ANKRD55: variants seen among roughly 807,000 people sequenced by gnomAD.
ANKRD55 encodes the protein ankyrin repeat domain 55.
ANKRD55 carries 41 observed loss-of-function variants against 60.6 expected under a neutral mutation model. That is an observed-to-expected ratio of 0.68 (90% CI 0.53 to 0.88). The LOEUF (loss-of-function observed/expected upper bound fraction) is 0.88, where lower values mean the gene tolerates loss of function less well. Ranked by LOEUF, ANKRD55 falls within the 40% of genes least tolerant of loss-of-function variation. ANKRD55 has a pLI of 0.00. For synonymous variants in ANKRD55, 264 were observed against 290.3 expected, an observed-to-expected ratio of 0.91 and a Z score of 0.92; for missense variants, 732 against 767.6, an observed-to-expected ratio of 0.95 and a Z score of 0.55.
intron 2 of ANKRD55, 135 bp from the exon 3 acceptor site, chr5:56,183,769 C>T: frequency 9.0e-7 from 1 of 1,116,062 alleles, no homozygotes; most frequent in East Asian, 2.6e-5. Context: ...CTGGGTCATC[C>T]TGGCTACACA....
At chr5:56,166,440 A>G (rs2111806445) in intron 5 of ANKRD55, among the ~76,000 whole-genome samples, 1 of 151,760 alleles carries the variant, frequency 6.6e-6, no homozygotes, top group South Asian at 2.1e-4. Flanking sequence ...TAAAAAAATC[A>G]TTTTTAGAAA....
At chr5:56,126,524 CAA>C (rs1757261469) in intron 8 of ANKRD55, among the ~76,000 whole-genome samples, 1 of 151,772 alleles carries the variant, frequency 6.6e-6, no homozygotes, top group African/African-American at 2.4e-5. Flanking sequence ...GTCCAGAATA[CAA>C]AGTCTCTATT....
At chr5:56,159,402 G>A (rs987532945) in intron 6 of ANKRD55, among the ~76,000 whole-genome samples, 41 of 151,982 alleles carry the variant, frequency 2.7e-4, no homozygotes, top group African/African-American at 8.7e-4. Flanking sequence ...CGGGGGTTGC[G>A]GTGAGCCAAG....
intron 7 of ANKRD55, among the ~76,000 whole-genome samples, chr5:56,135,977 ATAGT>A (rs906218318): frequency 5.3e-5 from 8 of 152,206 alleles, no homozygotes; most frequent in East Asian, 3.8e-4. Context: ...CCAAAATTAA[ATAGT>A]TAGGTACAAA....
intron 5 of ANKRD55, among the ~76,000 whole-genome samples, chr5:56,168,256 A>ATT (rs2111809165): frequency 6.6e-6 from 1 of 152,324 alleles, no homozygotes; most frequent in African/African-American, 2.4e-5. Context: ...GCTTTCCATT[A>ATT]TTTCAGTTAC....
intron 7 of ANKRD55, among the ~76,000 whole-genome samples, chr5:56,140,950 C>G (rs1052888319): frequency 1.5e-4 from 23 of 151,954 alleles, no homozygotes; most frequent in African/African-American, 5.6e-4. Context: ...GTAATTCCAG[C>G]TACTTAGGAG....
Position 56,218,002 on chromosome 5 carries a change from G to A in ANKRD55, c.58+14854C>T, listed in dbSNP as rs911604445. On this transcript the variant is annotated intron_variant, in intron 2 of 11. Coordinates refer to ENST00000341048, the MANE Select transcript of ANKRD55 (RefSeq NM_024669.3). ...TAGAGGAGTTCAGAACTTCAGTAGAGGAAGTAACTGCAGATGTAGTGGAAA... is the reference window on the plus strand; with the variant it reads ...TAGAGGAGTTCAGAACTTCAGTAGAAGAAGTAACTGCAGATGTAGTGGAAA... Among the ~76,000 whole-genome samples the A allele has an allele frequency of 4.6e-5, 7 of 152,290 alleles. No homozygotes were observed. In the East Asian group the frequency reaches 1.3e-3, roughly 29 times the overall value.
intron 6 of ANKRD55, 34 bp downstream of exon 6, chr5:56,159,797 CAA>C: frequency 1.2e-6 from 2 of 1,608,424 alleles, no homozygotes; most frequent in South Asian, 2.2e-5. Context: ...CCCTCACATG[CAA>C]AATGACCACT....
chr5:56,143,023 A>G (rs1319213135), intron 7 of ANKRD55, among the ~76,000 whole-genome samples: 1 of 152,148 alleles, frequency 6.6e-6, no homozygotes, highest in Non-Finnish European at 1.5e-5. Context: ...GGAAATGCTG[A>G]CTGAAACCAC....
intron 2 of ANKRD55, among the ~76,000 whole-genome samples, chr5:56,194,570 C>G (rs1369404895): frequency 1.3e-5 from 2 of 152,040 alleles, no homozygotes; most frequent in Non-Finnish European, 2.9e-5. Context: ...TATCATGGGC[C>G]TTGACTATAT....
chr5:56,106,350 A>AC (rs1426586493), intron 10 of ANKRD55, among the ~76,000 whole-genome samples: 1 of 151,896 alleles, frequency 6.6e-6, no homozygotes, highest in African/African-American at 2.4e-5. Context: ...GTAGTGCAGA[A>AC]GCCTCAGTGA....
chr5:56,194,325 AAAAAAAAG>A (rs925070180), intron 2 of ANKRD55, among the ~76,000 whole-genome samples: 5 of 151,940 alleles, frequency 3.3e-5, no homozygotes, highest in African/African-American at 1.2e-4. Context: ...CAAAAAAAAA[AAAAAAAAG>A]AAAATTTTAT....
intron 7 of ANKRD55, among the ~76,000 whole-genome samples, chr5:56,138,127 CTT>C (rs70995774): frequency 1.3e-4 from 17 of 129,820 alleles, no homozygotes; most frequent in Admixed American, 3.3e-4. Context: ...GTTTCTTTTT[CTT>C]TTTTTTTTTT....
intron 5 of ANKRD55, among the ~76,000 whole-genome samples, chr5:56,168,386 T>A (rs1252711688): frequency 6.6e-6 from 1 of 152,188 alleles, no homozygotes; most frequent in Non-Finnish European, 1.5e-5. Context: ...TACACTCCGC[T>A]CTCATTAGTC....
chr5:56,154,038 C>T (rs374810400), intron 6 of ANKRD55, among the ~76,000 whole-genome samples: 1 of 149,492 alleles, frequency 6.7e-6, no homozygotes, highest in South Asian at 2.1e-4. Flanking sequence ...AGTGAAACCC[C>T]GTCTCTACTA....
chr5:56,111,834 C>T (rs984707645), intron 9 of ANKRD55, 52 bp from the exon 10 acceptor site: 14 of 1,417,714 alleles, frequency 9.9e-6, no homozygotes, highest in Non-Finnish European at 1.3e-5. Context: ...GAAGTAGAGA[C>T]ATCACTCACC....
chr5:56,197,514 A>G (rs1759253020), intron 2 of ANKRD55, among the ~76,000 whole-genome samples: 1 of 152,186 alleles, frequency 6.6e-6, no homozygotes, highest in Non-Finnish European at 1.5e-5. Flanking sequence ...CAATTCTCCA[A>G]GTATTTCATA....
intron 2 of ANKRD55, among the ~76,000 whole-genome samples, chr5:56,206,739 C>T (rs930890185): frequency 6.6e-6 from 1 of 152,148 alleles, no homozygotes; most frequent in African/African-American, 2.4e-5. Context: ...GTGACTAACC[C>T]AAAGGCCACA....
intron 6 of ANKRD55, among the ~76,000 whole-genome samples, chr5:56,154,074 G>C (rs565383804): frequency 1.3e-5 from 2 of 151,358 alleles, no homozygotes; most frequent in African/African-American, 2.4e-5. Context: ...TTAGCTGGGC[G>C]TGGTGACGGG....
Sources: allele counts gnomAD v4.1 joint callset (sites outside exome capture counted in the v4.1 genomes callset), GRCh38; gene constraint gnomAD v4.1.1; transcripts MANE v1.5; gene names NCBI Gene and HGNC (gene_info 2026-07-23, HGNC 2026-07-21).